Variants in NFIA observed in about 807,000 individuals in gnomAD.
NFIA encodes the protein nuclear factor I A, also known as nuclear factor 1 A-type.
Under a neutral mutation model 62.8 loss-of-function variants are expected in NFIA, and 8 were observed. That is an observed-to-expected ratio of 0.13 (90% CI 0.07 to 0.23). NFIA has a LOEUF of 0.23. Among genes scored for constraint, NFIA ranks in the 10% least tolerant of loss-of-function variants. The pLI is 1.00. For missense variants in NFIA, 410 were observed against 642.1 expected, an observed-to-expected ratio of 0.64 and a Z score of 3.91; for synonymous variants, 235 against 238.1, an observed-to-expected ratio of 0.99 and a Z score of 0.12.
chr1:61,090,817 G>A (rs1646307206), intron 2 of NFIA, among the ~76,000 whole-genome samples: 1 of 152,170 alleles, frequency 6.6e-6, no homozygotes, highest in African/African-American at 2.4e-5. Context: ...GCTTCTCTGT[G>A]CGCGCAACAG....
At chr1:61,231,161 T>C (rs999247666) in intron 2 of NFIA, among the ~76,000 whole-genome samples, 1 of 152,206 alleles carries the variant, frequency 6.6e-6, no homozygotes, top group Admixed American at 6.5e-5. Context: ...AATTTGATAC[T>C]CATGAAGTTC....
chr1:61,254,442 G>A (rs745640946), intron 2 of NFIA, among the ~76,000 whole-genome samples: 1 of 152,166 alleles, frequency 6.6e-6, no homozygotes, highest in Non-Finnish European at 1.5e-5. Context: ...AACTCTAGAA[G>A]CATGTGTTAA....
chr1:61,110,915 G>GT (rs1443518158), intron 2 of NFIA, among the ~76,000 whole-genome samples: 5 of 152,128 alleles, frequency 3.3e-5, no homozygotes. Context: ...CTTAAGAAAT[G>GT]TAAGAGTGAT....
chr1:61,368,220 A>G (rs1663695180), intron 6 of NFIA, among the ~76,000 whole-genome samples: 1 of 152,208 alleles, frequency 6.6e-6, no homozygotes. Flanking sequence ...AAGGAGATGC[A>G]GTGTATACAT....
intron 2 of NFIA, among the ~76,000 whole-genome samples, chr1:61,272,044 G>T (rs1657537583): frequency 6.6e-6 from 1 of 151,940 alleles, no homozygotes; most frequent in Admixed American, 6.6e-5. Context: ...TATTAGTTTG[G>T]TTATTCACTG....
At chr1:61,400,555 T>C (rs1487687120) in intron 7 of NFIA, among the ~76,000 whole-genome samples, 1 of 152,200 alleles carries the variant, frequency 6.6e-6, no homozygotes, top group East Asian at 1.9e-4. Context: ...GAAAAGCCTT[T>C]ATTGACTCTC....
chr1:61,162,222 C>T (rs767496698), intron 2 of NFIA, among the ~76,000 whole-genome samples: 3 of 152,070 alleles, frequency 2.0e-5, no homozygotes, highest in Non-Finnish European at 2.9e-5. Context: ...GCCCCTAGAG[C>T]GAGGAGTCAC....
At chr1:61,129,123 C>T (rs952354719) in intron 2 of NFIA, among the ~76,000 whole-genome samples, 1 of 151,414 alleles carries the variant, frequency 6.6e-6, no homozygotes, top group Non-Finnish European at 1.5e-5. Context: ...GGGGTTTCAC[C>T]GTGTTAGCCA....
chr1:61,264,980 C>T (rs1053752178), intron 2 of NFIA, among the ~76,000 whole-genome samples: 5 of 152,108 alleles, frequency 3.3e-5, no homozygotes, highest in African/African-American at 7.2e-5. Flanking sequence ...TCTTTGAAAG[C>T]GTTTCAGGAT....
intron 2 of NFIA, among the ~76,000 whole-genome samples, chr1:61,089,042 G>T (rs1468273042): frequency 6.6e-6 from 1 of 152,128 alleles, no homozygotes; most frequent in Non-Finnish European, 1.5e-5. Context: ...CATTTATTTT[G>T]GTATTGAGGC....
intron 2 of NFIA, among the ~76,000 whole-genome samples, chr1:61,205,724 CGA>C (rs1258316444): frequency 6.6e-6 from 1 of 152,134 alleles, no homozygotes; most frequent in African/African-American, 2.4e-5. Flanking sequence ...GGTTATCCAA[CGA>C]GACAGGACCA....
rs1327102215 is a variant in NFIA at position 61,220,802 on chromosome 1, G to A, written c.560-56718G>A. Among the ~76,000 whole-genome samples the A allele has an allele frequency of 8.5e-5, 13 of 152,062 alleles. 1 individual carries two copies. Among genetic ancestry groups the A allele is most frequent in the Admixed American group, 7.2e-4 (11 of 15,260 alleles). ...AGAAAATACTGAACAATAATCATGC[G>A]GTATGAATGATTAATGTATGCATGG... On this transcript the variant is annotated intron_variant, in intron 2 of 10. Transcript: ENST00000403491.
chr1:61,134,532 GTTT>G (rs1286706795), intron 2 of NFIA, among the ~76,000 whole-genome samples: 3 of 152,088 alleles, frequency 2.0e-5, no homozygotes, highest in African/African-American at 7.2e-5. Context: ...TTTCTTACCT[GTTT>G]GAACTATACA....
At chr1:61,246,284 A>G (rs147273188) in intron 2 of NFIA, among the ~76,000 whole-genome samples, 1 of 152,224 alleles carries the variant, frequency 6.6e-6, no homozygotes, top group Non-Finnish European at 1.5e-5. Flanking sequence ...AGACATAAAT[A>G]TAGTTGTAGT....
intron 3 of NFIA, among the ~76,000 whole-genome samples, chr1:61,303,006 C>T (rs1440552536): frequency 6.6e-6 from 1 of 152,200 alleles, no homozygotes; most frequent in Non-Finnish European, 1.5e-5. Context: ...AAAGTTCAAA[C>T]CATTATTCCT....
intron 2 of NFIA, among the ~76,000 whole-genome samples, chr1:61,143,730 C>G (rs1336341797): frequency 6.6e-6 from 1 of 152,114 alleles, no homozygotes; most frequent in Non-Finnish European, 1.5e-5. Flanking sequence ...TGGAACCTAT[C>G]CCAGGACACC....
chr1:61,125,736 C>G (rs1208361788), intron 2 of NFIA, among the ~76,000 whole-genome samples: 2 of 152,088 alleles, frequency 1.3e-5, no homozygotes, highest in African/African-American at 4.8e-5. Flanking sequence ...GGTAGCTGCT[C>G]AAGGAAGGGA....
At chr1:61,175,495 A>G (rs1650279012) in intron 2 of NFIA, among the ~76,000 whole-genome samples, 1 of 152,146 alleles carries the variant, frequency 6.6e-6, no homozygotes, top group Non-Finnish European at 1.5e-5. Context: ...GATGGGAAAA[A>G]CTATTATTGA....
rs190445562 is a variant in NFIA, at chr1:61,306,869, T to C, written c.626-25643T>C. Among the ~76,000 whole-genome samples the C allele has an allele frequency of 1.7e-4, 26 of 152,318 alleles. No homozygotes were observed. The East Asian group carries it at 1.9e-3, about 11-fold the overall frequency. ...CATATCAGGGTACGGAAAACTCTTATGCTGTAAGAAGAGTCACACTAAGCC... is the reference window on the plus strand; with the variant it reads ...CATATCAGGGTACGGAAAACTCTTACGCTGTAAGAAGAGTCACACTAAGCC... On this transcript the variant is annotated intron_variant, in intron 3 of 10. Transcript: ENST00000403491.
Sources: allele counts gnomAD v4.1 joint callset (sites outside exome capture counted in the v4.1 genomes callset), GRCh38; gene constraint gnomAD v4.1.1; transcripts MANE v1.5; gene names NCBI Gene and HGNC (gene_info 2026-07-23, HGNC 2026-07-21).